GPHN: variants seen among roughly 807,000 people sequenced by gnomAD.
GPHN encodes the protein gephyrin.
A neutral mutation model predicts 95.5 loss-of-function variants in GPHN; 17 were observed. That is an observed-to-expected ratio of 0.18 (90% CI 0.12 to 0.27). The LOEUF (loss-of-function observed/expected upper bound fraction) is 0.27, where lower values mean the gene tolerates loss of function less well. GPHN is among the 10% of genes least tolerant of loss of function. The pLI, the probability that GPHN is intolerant of heterozygous loss-of-function variation, is 1.00. For synonymous variants in GPHN, 320 were observed against 322.5 expected (o/e 0.99, Z 0.08); for missense variants, 660 against 978.1 (o/e 0.67, Z 4.34).
intron 4 of GPHN, among the ~76,000 whole-genome samples, chr14:66,832,261 A>G (rs1180501537): frequency 2.6e-5 from 4 of 152,208 alleles, no homozygotes; most frequent in Admixed American, 1.3e-4. Flanking sequence ...AGACTTTTCA[A>G]GTAGTAAATG....
chr14:67,561,869 CAAA>C, the GPHN span: 8,078 of 728,942 alleles, frequency 0.011, no homozygotes, highest in Middle Eastern at 0.017. Context: ...GACCCTGTCT[CAAA>C]AAAAAAAAAA....
intron 1 of GPHN, among the ~76,000 whole-genome samples, chr14:66,555,022 A>G (rs1284908880): frequency 6.6e-6 from 1 of 152,208 alleles, no homozygotes; most frequent in African/African-American, 2.4e-5. Context: ...AATATATGGC[A>G]GATAATATTA....
the GPHN span, among the ~76,000 whole-genome samples, chr14:67,401,447 T>C: frequency 6.6e-6 from 1 of 152,090 alleles, no homozygotes; most frequent in Non-Finnish European, 1.5e-5. Flanking sequence ...AGGAGGTTAA[T>C]GCTACAGTGA....
intron 3 of GPHN, among the ~76,000 whole-genome samples, chr14:66,806,072 T>A (rs2060528883): frequency 6.6e-6 from 1 of 152,250 alleles, no homozygotes; most frequent in African/African-American, 2.4e-5. Flanking sequence ...GTCTGAAATC[T>A]AGATGGCGGT....
chr14:66,736,071 AAGTT>A (rs1211999164), intron 2 of GPHN, among the ~76,000 whole-genome samples: 1 of 152,208 alleles, frequency 6.6e-6, no homozygotes, highest in Non-Finnish European at 1.5e-5. Flanking sequence ...CAACTTAAGA[AAGTT>A]AGTTGGATGG....
chr14:67,690,507 C>A, the GPHN span: 1 of 1,044,450 alleles, frequency 9.6e-7, no homozygotes, highest in Admixed American at 2.0e-5. Context: ...CTATGGGAGG[C>A]AGATAATTCA....
chr14:66,684,609 G>C (rs2153399653), intron 2 of GPHN, among the ~76,000 whole-genome samples: 1 of 152,238 alleles, frequency 6.6e-6, no homozygotes, highest in South Asian at 2.1e-4. Context: ...TACTGCCATT[G>C]TAGTAAAACT....
At chr14:66,596,793 C>T (rs913842400) in intron 1 of GPHN, among the ~76,000 whole-genome samples, 7 of 152,118 alleles carry the variant, frequency 4.6e-5, no homozygotes, top group Admixed American at 2.0e-4. Context: ...CAACTGCGCC[C>T]GGGGGGCGGG....
chr14:67,134,947 T>TTTC (rs1444204561), intron 17 of GPHN, among the ~76,000 whole-genome samples: 1 of 137,960 alleles, frequency 7.2e-6, no homozygotes, highest in Non-Finnish European at 1.6e-5. Context: ...TCTTTCTTTC[T>TTTC]TTCTTCTTTT....
At chr14:67,657,614 ACACACACACC>A in the GPHN span, among the ~76,000 whole-genome samples, 1 of 151,080 alleles carries the variant, frequency 6.6e-6, no homozygotes, top group Non-Finnish European at 1.5e-5. Flanking sequence ...ACACACACAC[ACACACACACC>A]CAAAATCAAA....
At chr14:67,250,966 T>A in the GPHN span, among the ~76,000 whole-genome samples, 1 of 152,336 alleles carries the variant, frequency 6.6e-6, no homozygotes, top group African/African-American at 2.4e-5. Context: ...TTTGTATGTA[T>A]TTCTTAAATA....
Position 66,699,535 on chromosome 14 carries a change from A to G in GPHN, c.143+18350A>G, listed in dbSNP as rs549998322. On this transcript the variant is annotated intron_variant, in intron 2 of 22. Transcript: ENST00000478722. ...TTATGTCTTTGTGAGTATATAGTTC[A>G]TTAGAATTGTTATAAGAAGTTGTTG... Among the ~76,000 whole-genome samples, 15 of 152,288 alleles carry G rather than the reference A, an allele frequency of 9.8e-5. No homozygotes were observed. The East Asian group carries it at 2.3e-3, about 23-fold the overall frequency.
the GPHN span, among the ~76,000 whole-genome samples, chr14:67,259,416 G>GCCTGGCCAACACGGTGAAACCCCGTCTC: frequency 6.6e-6 from 1 of 151,840 alleles, no homozygotes. Flanking sequence ...TTTGAGACCA[G>GCCTGGCCAACACGGTGAAACCCCGTCTC]CCTGGCCAAC....
chr14:66,576,498 T>C lies in GPHN; in HGVS notation c.64+67907T>C, dbSNP rs1020311441. Among the ~76,000 whole-genome samples, 5 of 151,304 alleles carry C rather than the reference T, an allele frequency of 3.3e-5. No homozygotes were observed. The Admixed American group carries it at 3.3e-4, about 10-fold the overall frequency. Reference sequence around the variant, plus strand: ...TCCTCTCTGTACTTTTTTTTTTAAATCTTGGAAATGTGTATAATAATGCCA... The same window carrying C: ...TCCTCTCTGTACTTTTTTTTTTAAACCTTGGAAATGTGTATAATAATGCCA... On this transcript the variant is annotated intron_variant, in intron 1 of 22. Coordinates refer to ENST00000478722, the MANE Select transcript of GPHN (RefSeq NM_020806.5).
At chr14:66,894,816 TCA>T (rs1770814791) in intron 5 of GPHN, among the ~76,000 whole-genome samples, 2 of 152,168 alleles carry the variant, frequency 1.3e-5, no homozygotes, top group Admixed American at 1.3e-4. Flanking sequence ...AGATACCATC[TCA>T]CACCAGTTAG....
chr14:66,955,333 T>G (rs2068416377), intron 8 of GPHN, among the ~76,000 whole-genome samples: 2 of 152,302 alleles, frequency 1.3e-5, no homozygotes, highest in Admixed American at 6.5e-5. Context: ...GTTTTGGTAG[T>G]GTCTGTGTTT....
At chr14:66,744,856 A>AT (rs59944022) in intron 2 of GPHN, among the ~76,000 whole-genome samples, 1 of 151,442 alleles carries the variant, frequency 6.6e-6, no homozygotes, top group Non-Finnish European at 1.5e-5. Flanking sequence ...TAGCAATGCA[A>AT]TTTTTTTTTA....
the GPHN span, among the ~76,000 whole-genome samples, chr14:67,244,984 G>A: frequency 6.6e-6 from 1 of 152,142 alleles, no homozygotes; most frequent in Admixed American, 6.6e-5. Flanking sequence ...TGTAACAATT[G>A]GTCAGAGAAG....
chr14:66,715,452 T>C (rs2070084504), intron 2 of GPHN, among the ~76,000 whole-genome samples: 1 of 152,140 alleles, frequency 6.6e-6, no homozygotes, highest in Non-Finnish European at 1.5e-5. Context: ...TTATCTTTTG[T>C]ATTTTTTTGT....
Sources: allele counts gnomAD v4.1 joint callset (sites outside exome capture counted in the v4.1 genomes callset), GRCh38; gene constraint gnomAD v4.1.1; transcripts MANE v1.5; gene names NCBI Gene and HGNC (gene_info 2026-07-23, HGNC 2026-07-21).